DAPP1: variants seen among roughly 807,000 people sequenced by gnomAD.
The protein encoded by DAPP1 is dual adapter for phosphotyrosine and 3-phosphotyrosine and 3-phosphoinositide.
In DAPP1, 20 loss-of-function variants were observed where a neutral mutation model predicts 41.5. That is an observed-to-expected ratio of 0.48 (90% CI 0.34 to 0.70). The LOEUF is 0.70. Ranked by LOEUF, DAPP1 falls within the 30% of genes least tolerant of loss-of-function variation. The pLI is 0.01. For missense variants in DAPP1, 233 were observed against 333.4 expected, an observed-to-expected ratio of 0.70 and a Z score of 2.35; for synonymous variants, 113 against 116.2, an observed-to-expected ratio of 0.97 and a Z score of 0.18.
chr4:99,850,781 A>T (rs1203230124), intron 3 of DAPP1, among the ~76,000 whole-genome samples: 1 of 152,196 alleles, frequency 6.6e-6, no homozygotes, highest in African/African-American at 2.4e-5. Flanking sequence ...GTCCCCAAAG[A>T]TGCAATCATT....
intron 4 of DAPP1, among the ~76,000 whole-genome samples, chr4:99,859,992 T>C (rs571571238): frequency 4.1e-4 from 63 of 152,342 alleles, no homozygotes; most frequent in African/African-American, 1.5e-3. Flanking sequence ...CTGAACTGTG[T>C]TGGCTACTGA....
Position 99,870,105 on chromosome 4 carries a change from T to G in DAPP1, c.*1920T>G, listed in dbSNP as rs1262860431. The G allele has an allele frequency of 6.6e-6, 1 of 152,180 alleles. No individual in the cohort carries two copies. Among genetic ancestry groups the G allele is most frequent in the Non-Finnish European group, 1.5e-5 (1 of 68,040 alleles). 9.4% of individuals were successfully genotyped at this position (152,180 alleles called of 1,614,324 possible). On this transcript the variant is annotated 3_prime_UTR_variant, in exon 9 of 9. Coordinates refer to ENST00000512369, the MANE Select transcript of DAPP1 (RefSeq NM_014395.3). ...AACATAACCTGTTTATTTATATTCT[T>G]TGGCTTTGTTTATTAAAAAGCATGA...
At chr4:99,862,360 A>G (rs1251495386) in intron 5 of DAPP1, among the ~76,000 whole-genome samples, 1 of 152,166 alleles carries the variant, frequency 6.6e-6, no homozygotes, top group Middle Eastern at 3.2e-3. Context: ...CACCCAGGAT[A>G]GAGTAGGATG....
At chr4:99,850,989 TC>T (rs911438634) in intron 3 of DAPP1, among the ~76,000 whole-genome samples, 1 of 152,218 alleles carries the variant, frequency 6.6e-6, no homozygotes, top group African/African-American at 2.4e-5. Context: ...ACCCTGTTCC[TC>T]TGCCTGTGCA....
rs191491833 is a variant in DAPP1 at position 99,868,516 on chromosome 4, C to T, written c.*331C>T. On this transcript the variant is annotated 3_prime_UTR_variant, in exon 9 of 9. Transcript: ENST00000512369. ...TCATTGTGGTCCCCAAGCCTATTGA[C>T]ACTAGTTGCCTAGAGTCCCACTGTG... The T allele has an allele frequency of 4.5e-5, 11 of 242,990 alleles. No homozygotes were observed. Among genetic ancestry groups the T allele is most frequent in the African/African-American group, 1.8e-4 (8 of 44,496 alleles). The allele number at this position is 242,990 out of a possible 1,614,324, so 15.1% of individuals were successfully genotyped here.
chr4:99,850,275 T>A (rs1218155334), intron 3 of DAPP1, among the ~76,000 whole-genome samples: 3 of 151,890 alleles, frequency 2.0e-5, no homozygotes, highest in Admixed American at 2.0e-4. Context: ...CCCGGTGTGG[T>A]GGTGGATGCC....
downstream of DAPP1, among the ~76,000 whole-genome samples, chr4:99,871,921 G>A (rs906066822): frequency 1.3e-5 from 2 of 152,196 alleles, no homozygotes; most frequent in Non-Finnish European, 2.9e-5. Context: ...AACAAAGATG[G>A]CACCCTTGGC....
intron 4 of DAPP1, among the ~76,000 whole-genome samples, chr4:99,857,357 A>G (rs1724079969): frequency 6.6e-6 from 1 of 152,214 alleles, no homozygotes; most frequent in Admixed American, 6.5e-5. Context: ...ATGTTAAATG[A>G]GAAATACCAA....
chr4:99,834,133 T>A (rs1436719774), intron 1 of DAPP1, among the ~76,000 whole-genome samples: 2 of 152,182 alleles, frequency 1.3e-5, no homozygotes, highest in Admixed American at 6.5e-5. Context: ...TTTAAAAGAA[T>A]GTGAATGACC....
chr4:99,867,340 GA>G (rs1724496112), intron 8 of DAPP1, among the ~76,000 whole-genome samples: 1 of 151,976 alleles, frequency 6.6e-6, no homozygotes, highest in African/African-American at 2.4e-5. Context: ...AAGAATTATA[GA>G]AAAATATATC....
At position 99,817,644 on chromosome 4, in the gene DAPP1, G is replaced by A. The variant is rs554873464; in HGVS notation, c.101+630G>A. ...TGCTTCAAACAGGTAAGCATAGGTA[G>A]GTGGAGTCATTGGAGCTCTGTCTTT... On this transcript the variant is annotated intron_variant, in intron 1 of 8. Coordinates refer to ENST00000512369, the MANE Select transcript of DAPP1 (RefSeq NM_014395.3). 1.4e-4 allele frequency among the ~76,000 whole-genome samples: 21 copies of A among 152,288 alleles called. No individual in the cohort carries two copies. In the South Asian group the frequency reaches 4.3e-3, roughly 32 times the overall value.
chr4:99,816,853 G>C lies in DAPP1; in HGVS notation c.-61G>C. ...CCATAGCAGGCTGCTGTCTCACAGAGCGAGAAGGTGTCAGGAGCAGCCCAG... is the reference window on the plus strand; with the variant it reads ...CCATAGCAGGCTGCTGTCTCACAGACCGAGAAGGTGTCAGGAGCAGCCCAG... On this transcript the variant is annotated 5_prime_UTR_variant, in exon 1 of 9. Transcript: ENST00000512369. The C allele has an allele frequency of 1.4e-6, 2 of 1,440,188 alleles. No individual in the cohort carries two copies. The highest frequency in any genetic ancestry group is 1.9e-6 in the Non-Finnish European group (2 of 1,053,152). The allele number at this position is 1,440,188 out of a possible 1,614,324, so 89.2% of individuals were successfully genotyped here.
intron 1 of DAPP1, among the ~76,000 whole-genome samples, chr4:99,826,860 G>A (rs1025950348): frequency 6.6e-6 from 1 of 152,192 alleles, no homozygotes; most frequent in African/African-American, 2.4e-5. Flanking sequence ...CCCACTGTGA[G>A]CTCCCCTTCC....
At chr4:99,855,160 A>G (rs762286354) in intron 4 of DAPP1, among the ~76,000 whole-genome samples, 1 of 152,176 alleles carries the variant, frequency 6.6e-6, no homozygotes, top group Non-Finnish European at 1.5e-5. Flanking sequence ...CTCTGCAACC[A>G]ATTCTTGTTT....
chr4:99,828,545 A>G (rs1421621510), intron 1 of DAPP1, among the ~76,000 whole-genome samples: 1 of 152,200 alleles, frequency 6.6e-6, no homozygotes, highest in Admixed American at 6.5e-5. Context: ...TGGGATAAGA[A>G]ACTATGAAGG....
intron 1 of DAPP1, among the ~76,000 whole-genome samples, chr4:99,821,720 C>G (rs931692539): frequency 6.6e-6 from 1 of 152,184 alleles, no homozygotes; most frequent in African/African-American, 2.4e-5. Flanking sequence ...TCAAATTTCT[C>G]TCATCTTACT....
chr4:99,856,122 A>G (rs963236090), intron 4 of DAPP1, among the ~76,000 whole-genome samples: 2 of 152,056 alleles, frequency 1.3e-5, no homozygotes, highest in African/African-American at 2.4e-5. Flanking sequence ...TGCTTCCAAT[A>G]CACTCAGAAC....
At chr4:99,838,060 C>T (rs1240727764) in intron 2 of DAPP1, among the ~76,000 whole-genome samples, 1 of 152,130 alleles carries the variant, frequency 6.6e-6, no homozygotes, top group Non-Finnish European at 1.5e-5. Context: ...ATGAGCTTCG[C>T]TAGCTCACCC....
In DAPP1 at chr4:99,839,712, C is replaced by T. The variant is rs566936516; in HGVS notation, c.225-577C>T. 1.3e-3 allele frequency among the ~76,000 whole-genome samples: 203 copies of T among 152,284 alleles called. 1 individual carries two copies. The highest frequency in any genetic ancestry group is 0.013 in the Admixed American group (197 of 15,298). On this transcript the variant is annotated intron_variant, in intron 2 of 8. Transcript: ENST00000512369. The stretch of plus-strand genomic sequence containing the variant: ...CCCTTAGCAGCATAATGTTCAAGGA[C>T]TCTTTTGGTAAGTCTAGGAGTAGAT...
Sources: allele counts gnomAD v4.1 joint callset (sites outside exome capture counted in the v4.1 genomes callset), GRCh38; gene constraint gnomAD v4.1.1; transcripts MANE v1.5; gene names NCBI Gene and HGNC (gene_info 2026-07-23, HGNC 2026-07-21).